Variants in KSR2 observed in about 807,000 individuals in gnomAD.
The protein encoded by KSR2 is kinase suppressor of ras 2.
Under a neutral mutation model 107.8 loss-of-function variants are expected in KSR2, and 25 were observed. The observed-to-expected ratio is 0.23, with a 90% CI of 0.17 to 0.32. The LOEUF (loss-of-function observed/expected upper bound fraction) is 0.32. Among genes scored for constraint, KSR2 ranks in the 10% least tolerant of loss-of-function variants. The probability of loss-of-function intolerance (pLI) is 1.00; values close to 1 mark genes in which losing one functional copy is unlikely to be tolerated. For synonymous variants in KSR2, 480 were observed against 507.0 expected (o/e 0.95, Z 0.71); for missense variants, 887 against 1,268.9 (o/e 0.70, Z 4.57).
chr12:117,692,774 T>C (rs1885885845), intron 4 of KSR2, among the ~76,000 whole-genome samples: 1 of 151,848 alleles, frequency 6.6e-6, no homozygotes, highest in Non-Finnish European at 1.5e-5. Context: ...TTATGCCAAG[T>C]GAAGGAGGTA....
intron 1 of KSR2, among the ~76,000 whole-genome samples, chr12:117,877,172 A>G (rs980114590): frequency 5.9e-5 from 9 of 152,112 alleles, no homozygotes; most frequent in African/African-American, 2.2e-4. Flanking sequence ...CCCTGTCTCT[A>G]CTAAAAATAC....
At chr12:117,735,639 T>C (rs1039025218) in intron 4 of KSR2, among the ~76,000 whole-genome samples, 16 of 152,238 alleles carry the variant, frequency 1.1e-4, no homozygotes, top group African/African-American at 3.6e-4. Flanking sequence ...ATTCCGCTTG[T>C]GGTAAAACAG....
At chr12:117,646,740 T>G (rs1160862014) in intron 5 of KSR2, among the ~76,000 whole-genome samples, 1 of 151,974 alleles carries the variant, frequency 6.6e-6, no homozygotes, top group Non-Finnish European at 1.5e-5. Context: ...TCCTTCTCAC[T>G]CCTCAGTATT....
intron 4 of KSR2, among the ~76,000 whole-genome samples, chr12:117,739,086 C>T (rs546129448): frequency 1.8e-4 from 28 of 152,008 alleles, no homozygotes; most frequent in East Asian, 1.2e-3. Context: ...ACGGGCGCAG[C>T]GGCTCACGCC....
rs1316776182 is a variant in KSR2, at chr12:117,874,956, G to C, written c.181-14525C>G. Reference sequence around the variant, plus strand: ...GAGGTCCCCTGGGCCTGGGGTTAGAGGGATCACAGGTTGCGGAAATCCGAC... The same window carrying C: ...GAGGTCCCCTGGGCCTGGGGTTAGACGGATCACAGGTTGCGGAAATCCGAC... On this transcript the variant is annotated intron_variant, in intron 1 of 19. Transcript: ENST00000339824. 2.0e-5 allele frequency among the ~76,000 whole-genome samples: 3 copies of C among 151,788 alleles called. No homozygotes were observed. In the East Asian group the frequency reaches 5.8e-4, roughly 29 times the overall value.
intron 18 of KSR2, 64 bp from the exon 19 acceptor site, chr12:117,469,859 C>T (rs1871332554): frequency 1.3e-6 from 2 of 1,554,908 alleles, no homozygotes; most frequent in Non-Finnish European, 8.8e-7. Flanking sequence ...TCTTTGGCAT[C>T]ACATTTGGTC....
At chr12:117,914,802 T>C (rs942702381) in intron 1 of KSR2, among the ~76,000 whole-genome samples, 12 of 152,256 alleles carry the variant, frequency 7.9e-5, no homozygotes, top group African/African-American at 2.9e-4. Flanking sequence ...TCCCAAAGTG[T>C]TGGGATTACA....
intron 3 of KSR2, among the ~76,000 whole-genome samples, chr12:117,850,747 T>G (rs1464629497): frequency 2.7e-5 from 4 of 150,356 alleles, no homozygotes; most frequent in Admixed American, 6.7e-5. Flanking sequence ...AGGTAGAGGC[T>G]GCAGTGAGCC....
At chr12:117,523,421 G>A (rs1874895171) in intron 14 of KSR2, among the ~76,000 whole-genome samples, 1 of 152,150 alleles carries the variant, frequency 6.6e-6, no homozygotes, top group Non-Finnish European at 1.5e-5. Context: ...TTATGTTACA[G>A]GGGAGTCAGC....
intron 14 of KSR2, among the ~76,000 whole-genome samples, chr12:117,491,458 G>A (rs1246567589): frequency 1.3e-5 from 2 of 152,150 alleles, no homozygotes; most frequent in African/African-American, 4.8e-5. Flanking sequence ...GGGATTACAG[G>A]CCTGAGCCAC....
At chr12:117,651,348 G>T (rs1221824107) in intron 5 of KSR2, among the ~76,000 whole-genome samples, 2 of 152,162 alleles carry the variant, frequency 1.3e-5, no homozygotes, top group African/African-American at 4.8e-5. Context: ...GTCCCAGAGG[G>T]TCCCTGGAGG....
chr12:117,889,263 T>C (rs1201127484), intron 1 of KSR2, among the ~76,000 whole-genome samples: 5 of 152,190 alleles, frequency 3.3e-5, no homozygotes, highest in East Asian at 3.9e-4. Flanking sequence ...ATCAGATCTC[T>C]TGTGGTTATT....
rs182754771 is a variant in KSR2 at position 117,531,755 on chromosome 12, C to A, written c.1688-48G>T. On this transcript the variant is annotated intron_variant, in intron 10 of 19. Transcript: ENST00000339824. Reference sequence around the variant, plus strand: ...AAAGTGAGTGTCCCCAGGGAGACATCGCTTCAGGGACCAGATTGAGCTCTT... The same window carrying A: ...AAAGTGAGTGTCCCCAGGGAGACATAGCTTCAGGGACCAGATTGAGCTCTT... 34 of 1,475,602 alleles carry A rather than the reference C, an allele frequency of 2.3e-5. No individual in the cohort carries two copies. In the African/African-American group the frequency reaches 4.5e-4, roughly 20 times the overall value. 91.4% of individuals were successfully genotyped at this position (1,475,602 alleles called of 1,614,324 possible). A position where few individuals can be genotyped will look rare whatever the true frequency, so the allele number is the denominator to read the frequency against.
chr12:117,587,572 G>A (rs1252813361), intron 5 of KSR2, among the ~76,000 whole-genome samples: 1 of 152,206 alleles, frequency 6.6e-6, no homozygotes, highest in Non-Finnish European at 1.5e-5. Context: ...AATCTGTGTT[G>A]TTTTCAGCCG....
At chr12:117,468,831 G>C (rs913707457) in intron 19 of KSR2, among the ~76,000 whole-genome samples, 3 of 152,226 alleles carry the variant, frequency 2.0e-5, no homozygotes, top group Non-Finnish European at 4.4e-5. Flanking sequence ...ATATGGATGT[G>C]TGTGAGTATA....
chr12:117,939,627 G>A lies in KSR2; in HGVS notation c.180+28449C>T, dbSNP rs1249576119. ...CTCGGGAGGCTGAGGCAGGAGAATC[G>A]CTTGAACCCAGGAGGCGGAGGTTGC... On this transcript the variant is annotated intron_variant, in intron 1 of 19. Transcript: ENST00000339824. Among the ~76,000 whole-genome samples the A allele has an allele frequency of 2.6e-5, 4 of 152,104 alleles. No individual in the cohort carries two copies. In the East Asian group the frequency reaches 7.7e-4, roughly 29 times the overall value.
At chr12:117,525,288 T>C (rs1330260110) in intron 13 of KSR2, 69 bp from the exon 14 acceptor site, 5 of 1,485,832 alleles carry the variant, frequency 3.4e-6, no homozygotes, top group Non-Finnish European at 9.0e-7. Flanking sequence ...ATGGTCCTGC[T>C]GGGTCCCGTG....
intron 1 of KSR2, among the ~76,000 whole-genome samples, chr12:117,918,762 TG>T (rs1168884963): frequency 2.7e-5 from 4 of 145,638 alleles, no homozygotes; most frequent in African/African-American, 1.0e-4. Flanking sequence ...CACTCCAGCC[TG>T]GGCAACAAGG....
rs773051802 is a variant in KSR2, at chr12:117,524,849, G to T, written c.2219+3C>A. On this transcript the variant is annotated splice_donor_region_variant and intron_variant, in intron 14 of 19. Transcript: ENST00000339824. ...CCTGGGTAGAAGCCCAGGTGGAACT[G>T]ACCTGGTGATGATGGCCAGGTGAGG... 15 of 1,604,894 alleles carry T rather than the reference G, an allele frequency of 9.3e-6. No homozygotes were observed. In the Admixed American group the frequency reaches 2.5e-4, roughly 27 times the overall value.
Sources: gnomAD v4.1 joint callset for allele counts (sites outside exome capture counted in the v4.1 genomes callset) on GRCh38, gnomAD v4.1.1 for gene constraint, MANE v1.5 for transcripts, NCBI Gene and HGNC (gene_info 2026-07-23, HGNC 2026-07-21) for gene names.